The following R3HDM2 variants were observed in gnomAD, a reference collection of about 807,000 sequenced individuals.
R3HDM2 encodes R3H domain containing 2, also known as R3H domain-containing protein 2.
R3HDM2 carries 38 observed loss-of-function variants against 124.5 expected under a neutral mutation model. The observed-to-expected ratio is 0.31, with a 90% confidence interval of 0.24 to 0.40. R3HDM2 has a LOEUF of 0.40. Ranked by LOEUF, R3HDM2 falls within the 10% of genes least tolerant of loss-of-function variation. The pLI, the probability that R3HDM2 is intolerant of heterozygous loss-of-function variation, is 1.00. For synonymous variants in R3HDM2, 391 were observed against 448.0 expected, an observed-to-expected ratio of 0.87 and a Z score of 1.61; for missense variants, 869 against 1,236.9, an observed-to-expected ratio of 0.70 and a Z score of 4.46.
chr12:57,324,882 AT>A (rs955706761), intron 2 of R3HDM2, among the ~76,000 whole-genome samples: 2 of 152,200 alleles, frequency 1.3e-5, no homozygotes, highest in African/African-American at 4.8e-5. Context: ...TAAAGAGGCG[AT>A]TAAGTTAAAT....
intron 2 of R3HDM2, among the ~76,000 whole-genome samples, chr12:57,393,135 G>T (rs1210921386): frequency 2.1e-5 from 3 of 145,264 alleles, no homozygotes; most frequent in Middle Eastern, 4.1e-3. Flanking sequence ...AAGGAGTCTC[G>T]CTCTGTCGCC....
chr12:57,292,128 T>A (rs1040586163), intron 11 of R3HDM2, among the ~76,000 whole-genome samples: 1 of 152,104 alleles, frequency 6.6e-6, no homozygotes. Context: ...CACCAACATA[T>A]CCTAAAAATG....
chr12:57,339,066 G>A (rs749069793), intron 2 of R3HDM2, among the ~76,000 whole-genome samples: 13 of 151,916 alleles, frequency 8.6e-5, no homozygotes, highest in Admixed American at 4.6e-4. Flanking sequence ...GTCTTGCTCC[G>A]TTGCCCAGGC....
intron 1 of R3HDM2, among the ~76,000 whole-genome samples, chr12:57,427,796 A>G (rs758749945): frequency 2.0e-5 from 3 of 151,462 alleles, no homozygotes; most frequent in Non-Finnish European, 1.5e-5. Context: ...AGCCAAGGGA[A>G]TATCAGTGTT....
At chr12:57,284,465 T>C (rs2046887199) in intron 12 of R3HDM2, among the ~76,000 whole-genome samples, 1 of 152,244 alleles carries the variant, frequency 6.6e-6, no homozygotes, top group South Asian at 2.1e-4. Flanking sequence ...CTCCTAGAAG[T>C]TGCTATTGCT....
rs1337584907 is a variant in R3HDM2, at chr12:57,300,177, T to C, written c.212A>G (p.Asn71Ser). The change falls in exon 5 of 24, where the codon AAT becomes AGT. Residue 71 changes from asparagine (N) to serine (S), a missense_variant. Physicochemically the swap from Asn to Ser is conservative, Grantham distance 46 (BLOSUM62 1). Coordinates refer to ENST00000402412, the MANE Select transcript of R3HDM2 (RefSeq NM_001394031.1). Reference sequence around the variant, plus strand: ...GCTACGCACCAACTTTAGCTTGGAATTAGACTGAAAAAAACAAAAAACAAT... The same window carrying C: ...GCTACGCACCAACTTTAGCTTGGAACTAGACTGAAAAAAACAAAAAACAAT... ...HGHARKRAKS[N>S]SKLKLVRSLA... The C allele has an allele frequency of 6.4e-7, 1 of 1,551,364 alleles. No homozygotes were observed. Among genetic ancestry groups the C allele is most frequent in the African/African-American group, 1.4e-5 (1 of 73,142 alleles).
At chr12:57,425,808 G>A (rs911768056) in intron 1 of R3HDM2, among the ~76,000 whole-genome samples, 6 of 151,960 alleles carry the variant, frequency 3.9e-5, no homozygotes, top group African/African-American at 1.2e-4. Flanking sequence ...AACGAAAAAC[G>A]CACACTTCAC....
rs1229960706 is a variant in R3HDM2 at position 57,256,428 on chromosome 12, A to G, written c.2533T>C (p.Tyr845His). 1.3e-6 allele frequency: 2 copies of G among 1,591,736 alleles called. No individual in the cohort carries two copies. Among genetic ancestry groups the G allele is most frequent in the Non-Finnish European group, 1.7e-6 (2 of 1,168,136 alleles). ...GACACCCTTACCTGGTGCACCGTGT[A>G]AGTTGACTGGCCATGGAGCAAGGGA... is the stretch of plus-strand genomic sequence containing the variant. The part of the protein sequence containing the change: ...CPPLLHGQST[Y>H]TVHQGQSGLK... The change falls in exon 22 of 24, where the codon TAC (tyrosine) becomes CAC (histidine). Residue 845 changes from tyrosine (Y) to histidine (H), a missense_variant. Coordinates refer to ENST00000402412, the MANE Select transcript of R3HDM2 (RefSeq NM_001394031.1).
At chr12:57,422,790 G>A (rs1276850182) in intron 1 of R3HDM2, among the ~76,000 whole-genome samples, 3 of 151,436 alleles carry the variant, frequency 2.0e-5, no homozygotes, top group Non-Finnish European at 4.4e-5. Context: ...AGACCAGCCT[G>A]GGCAACACAG....
chr12:57,282,587 G>A (rs1332823590), intron 13 of R3HDM2, among the ~76,000 whole-genome samples: 1 of 152,002 alleles, frequency 6.6e-6, no homozygotes, highest in African/African-American at 2.4e-5. Context: ...CTGGGCCCAG[G>A]AGTTCAAGGC....
chr12:57,280,230 G>T, intron 14 of R3HDM2, 128 bp downstream of exon 14: 1 of 982,806 alleles, frequency 1.0e-6, no homozygotes, highest in Non-Finnish European at 1.4e-6. Context: ...AATGAGAAAT[G>T]GGGGAGAGAG....
chr12:57,397,805 T>G (rs973435244), intron 1 of R3HDM2, among the ~76,000 whole-genome samples: 5 of 152,318 alleles, frequency 3.3e-5, no homozygotes, highest in Non-Finnish European at 7.3e-5. Context: ...CACCAAGAGT[T>G]CACTCTCTAA....
At position 57,398,198 on chromosome 12, in the gene R3HDM2, T is replaced by C. The variant is rs376876814; in HGVS notation, c.-105-2380A>G. Among the ~76,000 whole-genome samples, 26 of 149,846 alleles carry C rather than the reference T, an allele frequency of 1.7e-4. 1 individual carries two copies. The East Asian group carries it at 5.1e-3, about 29-fold the overall frequency. ...AGCAGCCTAGGCAAAAGAGCGAGACTCTGCCTCAAAAAAAAAAAAAGAAAA... is the reference window on the plus strand; with the variant it reads ...AGCAGCCTAGGCAAAAGAGCGAGACCCTGCCTCAAAAAAAAAAAAAGAAAA... On this transcript the variant is annotated intron_variant, in intron 1 of 23. Transcript: ENST00000402412.
chr12:57,333,899 G>A lies in R3HDM2; in HGVS notation c.-35-23436C>T, dbSNP rs186767801. Among the ~76,000 whole-genome samples, 275 of 151,720 alleles carry A rather than the reference G, an allele frequency of 1.8e-3. 1 individual carries two copies. The highest frequency in any genetic ancestry group is 3.3e-3 in the Non-Finnish European group (224 of 67,884). On this transcript the variant is annotated intron_variant, in intron 2 of 23. Coordinates refer to ENST00000402412, the MANE Select transcript of R3HDM2 (RefSeq NM_001394031.1). Reference sequence around the variant, plus strand: ...CTACTAAAAATACAAAAAATTAGCCGGGCGTGGTGGCACGTGCCTGTAATC... The same window carrying A: ...CTACTAAAAATACAAAAAATTAGCCAGGCGTGGTGGCACGTGCCTGTAATC...
chr12:57,362,885 T>C (rs1289657326), intron 2 of R3HDM2, among the ~76,000 whole-genome samples: 1 of 152,248 alleles, frequency 6.6e-6, no homozygotes, highest in Non-Finnish European at 1.5e-5. Flanking sequence ...GCAGTGGCAC[T>C]ACGTCAGCTA....
chr12:57,277,112 A>T (rs1215630525), intron 14 of R3HDM2, among the ~76,000 whole-genome samples: 1 of 151,798 alleles, frequency 6.6e-6, no homozygotes, highest in Non-Finnish European at 1.5e-5. Flanking sequence ...AAAAAAAAAA[A>T]AAAAAGACTG....
At chr12:57,430,066 G>A (rs1384074166) in intron 1 of R3HDM2, among the ~76,000 whole-genome samples, 1 of 152,202 alleles carries the variant, frequency 6.6e-6, no homozygotes, top group Admixed American at 6.5e-5. Flanking sequence ...CCGTTTTAAC[G>A]CAGTTCTGGG....
At chr12:57,425,189 T>C (rs2070614952) in intron 1 of R3HDM2, among the ~76,000 whole-genome samples, 1 of 151,830 alleles carries the variant, frequency 6.6e-6, no homozygotes, top group Non-Finnish European at 1.5e-5. Flanking sequence ...GGAGAATCAC[T>C]TGAACCCAGG....
chr12:57,288,280 A>C (rs1232155003), intron 12 of R3HDM2, among the ~76,000 whole-genome samples: 3 of 152,062 alleles, frequency 2.0e-5, no homozygotes, highest in African/African-American at 7.2e-5. Context: ...CTGGGATTAC[A>C]GGCGTGAGTC....
Sources: allele counts gnomAD v4.1 joint callset (sites outside exome capture counted in the v4.1 genomes callset), GRCh38; gene constraint gnomAD v4.1.1; transcripts MANE v1.5; gene names NCBI Gene and HGNC (gene_info 2026-07-23, HGNC 2026-07-21).